The following PDS5A variants were observed in gnomAD, a reference collection of about 807,000 sequenced individuals.
PDS5A encodes the protein sister chromatid cohesion protein PDS5 homolog A.
Under a neutral mutation model 167.1 loss-of-function variants are expected in PDS5A, and 42 were observed. The ratio of observed to expected loss-of-function variants is 0.25; its 90% CI spans 0.20 to 0.33. The LOEUF is 0.33. Ranked by LOEUF, PDS5A falls within the 10% of genes least tolerant of loss-of-function variation. The pLI, the probability that PDS5A is intolerant of heterozygous loss-of-function variation, is 1.00. For synonymous variants in PDS5A, 553 were observed against 554.6 expected, an observed-to-expected ratio of 1.00 and a Z score of 0.04; for missense variants, 1,033 against 1,605.9, an observed-to-expected ratio of 0.64 and a Z score of 6.10.
At position 39,849,012 on chromosome 4, in the gene PDS5A, A is replaced by G. The variant is rs1041704866; in HGVS notation, c.3220-42T>C. 3.8e-6 allele frequency: 5 copies of G among 1,321,154 alleles called. No individual in the cohort carries two copies. The African/African-American group carries it at 4.4e-5, about 12-fold the overall frequency. 81.8% of individuals were successfully genotyped at this position (1,321,154 alleles called of 1,614,324 possible). Reference sequence around the variant, plus strand: ...ATCATATATAACTTTTAGTATTGCAAAATAATCATAATTACCAATTCCACT... The same window carrying G: ...ATCATATATAACTTTTAGTATTGCAGAATAATCATAATTACCAATTCCACT... On this transcript the variant is annotated intron_variant, in intron 27 of 32. Transcript: ENST00000303538.
intron 17 of PDS5A, among the ~76,000 whole-genome samples, chr4:39,881,354 T>G (rs1473035483): frequency 6.6e-6 from 1 of 151,966 alleles, no homozygotes; most frequent in African/African-American, 2.4e-5. Context: ...TTTTTTAGTT[T>G]TTTTTTTTTG....
chr4:39,886,821 C>A (rs1344434104), intron 17 of PDS5A, among the ~76,000 whole-genome samples: 2 of 150,838 alleles, frequency 1.3e-5, no homozygotes, highest in East Asian at 3.9e-4. Flanking sequence ...TAAAGTATTT[C>A]TTGTAATAGA....
rs1166233113 is a variant in PDS5A at position 39,833,191 on chromosome 4, C to CAAAAAAAA, written c.4010+4657_4010+4664dup. On this transcript the variant is annotated intron_variant, in intron 32 of 32. Transcript: ENST00000303538. ...GGGCCACAAGAGTGAAACTCCGTCT[C>CAAAAAAAA]AAAAAAAAAAAAAAAAAAAAAAAAA... Among the ~76,000 whole-genome samples, 344 of 37,214 alleles carry CAAAAAAAA rather than the reference C, an allele frequency of 9.2e-3. 3 individuals are homozygous for CAAAAAAAA. The highest frequency in any genetic ancestry group is 0.011 in the African/African-American group (83 of 7,720). The allele number at this position is 37,214 out of a possible 152,430, so 24.4% of individuals were successfully genotyped here.
chr4:39,876,638 T>C (rs1468956195), intron 19 of PDS5A, among the ~76,000 whole-genome samples: 2 of 152,342 alleles, frequency 1.3e-5, no homozygotes, highest in East Asian at 3.9e-4. Context: ...TGACAGTTAT[T>C]GAATTTATAA....
rs375099426 is a variant in PDS5A, at chr4:39,823,986, T to C, written c.*1499A>G. On this transcript the variant is annotated 3_prime_UTR_variant, in exon 33 of 33. Coordinates refer to ENST00000303538, the MANE Select transcript of PDS5A (RefSeq NM_001100399.2). ...ACACTACAGCCTATCAAGACGAAGT[T>C]ATAACACAAATGTTGTTTCCTCTGA... is the stretch of plus-strand genomic sequence containing the variant. The C allele has an allele frequency of 5.9e-5, 9 of 152,180 alleles. No individual in the cohort carries two copies. Among genetic ancestry groups the C allele is most frequent in the African/African-American group, 1.9e-4 (8 of 41,440 alleles). The allele number at this position is 152,180 out of a possible 1,614,324, so 9.4% of individuals were successfully genotyped here.
intron 2 of PDS5A, among the ~76,000 whole-genome samples, chr4:39,930,247 G>GGTTTTTT (rs1725914090): frequency 4.8e-5 from 3 of 61,952 alleles, no homozygotes; most frequent in Non-Finnish European, 9.7e-5. Flanking sequence ...AAAAAAAAAA[G>GGTTTTTT]TTTTTTTGTT....
intron 32 of PDS5A, among the ~76,000 whole-genome samples, chr4:39,835,170 C>T (rs1185543513): frequency 6.6e-6 from 1 of 152,126 alleles, no homozygotes; most frequent in African/African-American, 2.4e-5. Flanking sequence ...GAACTCCTGA[C>T]CTTAAAAGAT....
chr4:39,873,091 T>C lies in PDS5A; in HGVS notation c.2331A>G (p.Leu777=). The change falls in exon 21 of 33, where the codon TTA becomes TTG. Residue 777 remains leucine, a synonymous_variant. Transcript: ENST00000303538. ...ACATAGAAATGTGGCCCAATGAAAC[T>C]AATGGAGTTATAAGTTGTTCTGGCA... is the stretch of plus-strand genomic sequence containing the variant. ...ADVPEQLITP[L]VSLGHISMLA... is the part of the protein sequence containing the mutation. The C allele has an allele frequency of 6.5e-7, 1 of 1,545,178 alleles. No individual in the cohort carries two copies.
chr4:39,946,662 C>T (rs1727800738), intron 2 of PDS5A, among the ~76,000 whole-genome samples: 1 of 152,108 alleles, frequency 6.6e-6, no homozygotes, highest in Non-Finnish European at 1.5e-5. Context: ...TGCCTGTAAT[C>T]CCAGAACTTT....
At chr4:39,840,072 C>T (rs1233576126) in intron 31 of PDS5A, among the ~76,000 whole-genome samples, 3 of 151,668 alleles carry the variant, frequency 2.0e-5, no homozygotes, top group African/African-American at 7.3e-5. Flanking sequence ...CCAGCCCAGG[C>T]GACAGAGACT....
chr4:39,973,568 G>C, intron 2 of PDS5A: 1 of 1,250,822 alleles, frequency 8.0e-7, no homozygotes, highest in Non-Finnish European at 1.2e-6. Flanking sequence ...ATGGAGGGTG[G>C]TCACAGCAAA....
At chr4:39,868,429 A>G (rs1193992809) in intron 22 of PDS5A, among the ~76,000 whole-genome samples, 5 of 152,196 alleles carry the variant, frequency 3.3e-5, no homozygotes, top group Non-Finnish European at 2.9e-5. Context: ...CCCAGGTTCA[A>G]GTGACTGTCC....
intron 21 of PDS5A, chr4:39,872,688 C>T (rs2109573115): frequency 5.5e-6 from 1 of 183,314 alleles, no homozygotes; most frequent in African/African-American, 2.3e-5. Context: ...TTCTAACATT[C>T]CAGAAAATGA....
intron 2 of PDS5A, among the ~76,000 whole-genome samples, chr4:39,952,040 A>C (rs966110880): frequency 1.3e-5 from 2 of 152,066 alleles, no homozygotes; most frequent in Admixed American, 6.6e-5. Flanking sequence ...TAGGAATAAC[A>C]ACCAATTGTC....
At chr4:39,958,676 A>C (rs781742843) in intron 2 of PDS5A, among the ~76,000 whole-genome samples, 1 of 150,758 alleles carries the variant, frequency 6.6e-6, no homozygotes, top group Non-Finnish European at 1.5e-5. Flanking sequence ...GTGCAGTGGC[A>C]CAATCTCTGC....
chr4:39,977,569 C>T lies in PDS5A; in HGVS notation c.-153G>A, dbSNP rs1472914859. On this transcript the variant is annotated 5_prime_UTR_variant, in exon 1 of 33. Coordinates refer to ENST00000303538, the MANE Select transcript of PDS5A (RefSeq NM_001100399.2). This position sits in a 1 kb window ranked among gnomAD's most constrained non-coding sequence, Gnocchi z 4.2. ...AGCGGCTCCGCGGGTCCCGCCGCCG[C>T]CGCCGCCGCCGCCCGCCCGCCCGGG... The T allele has an allele frequency of 6.2e-6, 1 of 162,194 alleles. No individual in the cohort carries two copies. The highest frequency in any genetic ancestry group is 2.4e-5 in the African/African-American group (1 of 41,342). 10.0% of individuals were successfully genotyped at this position (162,194 alleles called of 1,614,324 possible).
Position 39,977,640 on chromosome 4 carries a change from G to A in PDS5A, c.-224C>T, listed in dbSNP as rs923153724. The A allele has an allele frequency of 3.3e-5, 5 of 152,270 alleles. No individual in the cohort carries two copies. The highest frequency in any genetic ancestry group is 5.8e-5 in the Non-Finnish European group (4 of 68,522). The allele number at this position is 152,270 out of a possible 1,614,324, so 9.4% of individuals were successfully genotyped here. A position where few individuals can be genotyped will look rare whatever the true frequency, so the allele number is the denominator to read the frequency against. ...TGCCGAGGAGGAGCAGCCGCCGCGG[G>A]GGGAGACGCGGGGCGAGTGAGCGCT... is the stretch of plus-strand genomic sequence containing the variant. On this transcript the variant is annotated 5_prime_UTR_variant, in exon 1 of 33. Transcript: ENST00000303538. This position sits in a 1 kb window ranked among gnomAD's most constrained non-coding sequence, Gnocchi z 4.2.
intron 2 of PDS5A, among the ~76,000 whole-genome samples, chr4:39,930,246 A>AAAAAAAAAAAAAAAAAT: frequency 2.1e-5 from 2 of 93,088 alleles, no homozygotes; most frequent in African/African-American, 3.7e-5. Flanking sequence ...AAAAAAAAAA[A>AAAAAAAAAAAAAAAAAT]GTTTTTTTGT....
chr4:39,951,898 C>CAAAAAAA (rs1161911794), intron 2 of PDS5A, among the ~76,000 whole-genome samples: 27 of 68,792 alleles, frequency 3.9e-4, no homozygotes, highest in Non-Finnish European at 4.9e-4. Flanking sequence ...GAGTCTGTCT[C>CAAAAAAA]AAAAAAAAAA....
Sources: gnomAD v4.1 joint callset for allele counts (sites outside exome capture counted in the v4.1 genomes callset) on GRCh38, gnomAD v4.1.1 for gene constraint, Gnocchi (gnomAD v3.1) non-coding constraint, MANE v1.5 for transcripts, NCBI Gene and HGNC (gene_info 2026-07-23, HGNC 2026-07-21) for gene names.